IL1RN: variants seen among roughly 807,000 people sequenced by gnomAD.
The protein encoded by IL1RN is interleukin-1 receptor antagonist protein.
Under a neutral mutation model 13.7 loss-of-function variants are expected in IL1RN, and 10 were observed. The observed-to-expected ratio is 0.73, with a 90% CI of 0.45 to 1.24. The LOEUF (loss-of-function observed/expected upper bound fraction) is 1.24, where lower values mean the gene tolerates loss of function less well. Ranked by LOEUF, IL1RN falls within the 50% of genes most tolerant of loss-of-function variation. The pLI, the probability that IL1RN is intolerant of heterozygous loss-of-function variation, is 0.00. For missense variants in IL1RN, 213 were observed against 222.1 expected (o/e 0.96, Z 0.26); for synonymous variants, 102 against 82.7 (o/e 1.23, Z -1.27).
chr2:113,126,372 T>C (rs1405341122), upstream of IL1RN, among the ~76,000 whole-genome samples: 1 of 152,196 alleles, frequency 6.6e-6, no homozygotes, highest in East Asian at 1.9e-4. Context: ...CTTGGACAGA[T>C]CCCTTTTTTG....
At chr2:113,119,207 C>T (rs1473364271) in intron 1 of IL1RN, among the ~76,000 whole-genome samples, 1 of 152,176 alleles carries the variant, frequency 6.6e-6, no homozygotes, top group Non-Finnish European at 1.5e-5. Context: ...GAAGTGTCAG[C>T]TCTTAATGGG....
chr2:113,110,540 C>T (rs1206813657), upstream of IL1RN, among the ~76,000 whole-genome samples: 1 of 152,168 alleles, frequency 6.6e-6, no homozygotes, highest in African/African-American at 2.4e-5. Context: ...CTGTAGCTCC[C>T]AGTGCCCCCT....
the IL1RN span, among the ~76,000 whole-genome samples, chr2:113,100,941 G>A: frequency 1.3e-5 from 2 of 152,158 alleles, 1 homozygote; most frequent in Admixed American, 1.3e-4. Flanking sequence ...ACAAGCAGAT[G>A]TTAATTAACA....
chr2:113,111,465 T>C (rs1192935114), intron 1 of IL1RN, among the ~76,000 whole-genome samples: 7 of 152,226 alleles, frequency 4.6e-5, no homozygotes, highest in Non-Finnish European at 8.8e-5. Context: ...TGGAATTTCA[T>C]TGAGATAGTT....
upstream of IL1RN, among the ~76,000 whole-genome samples, chr2:113,125,838 G>A (rs554219747): frequency 2.3e-4 from 35 of 152,272 alleles, no homozygotes; most frequent in Admixed American, 2.2e-3. Flanking sequence ...TTACTCTGTT[G>A]CCTAGGCTGG....
Position 113,129,552 on chromosome 2 carries a change from C to T in IL1RN, c.117-24C>T, listed in dbSNP as rs376432593. ...CTGGGCACATGGTGGCTGTGCACTA[C>T]AGCTGAGTCCTTTTCCTTTTCAGAA... On this transcript the variant is annotated intron_variant, in intron 1 of 3. Transcript: ENST00000409930. 1.0e-4 allele frequency: 152 copies of T among 1,497,566 alleles called. 1 individual carries two copies. The highest frequency in any genetic ancestry group is 1.4e-4 in the African/African-American group (10 of 72,806). The allele number at this position is 1,497,566 out of a possible 1,614,324, so 92.8% of individuals were successfully genotyped here. A position where few individuals can be genotyped will look rare whatever the true frequency, so the allele number is the denominator to read the frequency against.
upstream of IL1RN, among the ~76,000 whole-genome samples, chr2:113,106,234 T>C (rs1222845637): frequency 6.6e-6 from 1 of 152,192 alleles, no homozygotes; most frequent in Non-Finnish European, 1.5e-5. Flanking sequence ...AAAGGGTCTT[T>C]CTTAGAGGCT....
At chr2:113,110,417 T>C (rs1305013649), upstream of IL1RN, among the ~76,000 whole-genome samples, 1 of 152,210 alleles carries the variant, frequency 6.6e-6, no homozygotes, top group Non-Finnish European at 1.5e-5. Context: ...CACATCAGGT[T>C]CTTGGATCAT....
intron 3 of IL1RN, among the ~76,000 whole-genome samples, chr2:113,131,626 T>C (rs745489210): frequency 1.4e-4 from 21 of 152,082 alleles, no homozygotes; most frequent in Non-Finnish European, 2.6e-4. Context: ...CCACAGGACC[T>C]GAATCTCTGT....
chr2:113,106,806 A>G (rs1228310385), upstream of IL1RN, among the ~76,000 whole-genome samples: 2 of 152,144 alleles, frequency 1.3e-5, no homozygotes, highest in East Asian at 1.9e-4. Flanking sequence ...AGAATTTAAT[A>G]TAACTATGTT....
In IL1RN at chr2:113,133,520, A is replaced by C. The variant is rs1687248458; in HGVS notation, c.*649A>C. 2 of 157,052 alleles carry C rather than the reference A, an allele frequency of 1.3e-5. No homozygotes were observed. The highest frequency in any genetic ancestry group is 6.2e-5 in the Admixed American group (1 of 16,240). 9.7% of individuals were successfully genotyped at this position (157,052 alleles called of 1,614,324 possible). A position where few individuals can be genotyped will look rare whatever the true frequency, so the allele number is the denominator to read the frequency against. On this transcript the variant is annotated 3_prime_UTR_variant, in exon 4 of 4. Transcript: ENST00000409930. Reference sequence around the variant, plus strand: ...TTTTGTGATGTCCCAACTTGTAAAAATTAAAAGTTATGGTACTATGTTAGC... The same window carrying C: ...TTTTGTGATGTCCCAACTTGTAAAACTTAAAAGTTATGGTACTATGTTAGC...
rs1399931845 is a variant in IL1RN at position 113,131,284 on chromosome 2, TG to T, written c.318+128del. On this transcript the variant is annotated intron_variant, in intron 3 of 3. Coordinates refer to ENST00000409930, the MANE Select transcript of IL1RN (RefSeq NM_173842.3). ...TAGTTCTGTTCCATGTGGTGGAACATGCTGGGGTCACTTTGGAAGCTGCATT... is the reference window on the plus strand; with the variant it reads ...TAGTTCTGTTCCATGTGGTGGAACATCTGGGGTCACTTTGGAAGCTGCATT... 7 of 713,782 alleles carry T rather than the reference TG, an allele frequency of 9.8e-6. No homozygotes were observed. In the African/African-American group the frequency reaches 1.2e-4, roughly 12 times the overall value. The allele number at this position is 713,782 out of a possible 1,614,324, so 44.2% of individuals were successfully genotyped here.
intron 2 of IL1RN, chr2:113,120,135 T>C (rs762464046): frequency 6.2e-7 from 1 of 1,608,640 alleles, no homozygotes; most frequent in East Asian, 2.2e-5. Context: ...AAGGGTAAAT[T>C]ATTTTTAGGA....
At chr2:113,128,150 C>T (rs1362928324) in intron 1 of IL1RN, among the ~76,000 whole-genome samples, 1 of 152,244 alleles carries the variant, frequency 6.6e-6, no homozygotes, top group Non-Finnish European at 1.5e-5. Context: ...CTCCAGGGAC[C>T]TTGGTTTCCC....
chr2:113,108,716 T>G (rs995401585), upstream of IL1RN, among the ~76,000 whole-genome samples: 2 of 152,088 alleles, frequency 1.3e-5, no homozygotes, highest in African/African-American at 4.8e-5. Flanking sequence ...ACAGGGGACC[T>G]TGGATGTCAG....
chr2:113,124,609 A>G (rs528335752), upstream of IL1RN, among the ~76,000 whole-genome samples: 6 of 152,324 alleles, frequency 3.9e-5, no homozygotes, highest in East Asian at 1.2e-3. Context: ...TGCAAAAGCC[A>G]CGGTGTGAGT....
At chr2:113,111,960 T>C (rs1686506492) in intron 1 of IL1RN, among the ~76,000 whole-genome samples, 3 of 152,242 alleles carry the variant, frequency 2.0e-5, no homozygotes, top group Non-Finnish European at 4.4e-5. Context: ...AACTCAGCCA[T>C]CTGAGACAGT....
At chr2:113,121,444 G>T (rs1686780754) in intron 2 of IL1RN, 4 of 985,138 alleles carry the variant, frequency 4.1e-6, no homozygotes, top group Non-Finnish European at 4.8e-6. Context: ...CCTCCTGTCT[G>T]CAGGGGGATT....
At chr2:113,124,040 T>C (rs1044191221), upstream of IL1RN, among the ~76,000 whole-genome samples, 10 of 152,204 alleles carry the variant, frequency 6.6e-5, no homozygotes, top group African/African-American at 1.7e-4. Flanking sequence ...CTGGTTTCCC[T>C]ATCTCTCTGC....
Sources: gnomAD v4.1 joint callset for allele counts (sites outside exome capture counted in the v4.1 genomes callset) on GRCh38, gnomAD v4.1.1 for gene constraint, MANE v1.5 for transcripts, NCBI Gene and HGNC (gene_info 2026-07-23, HGNC 2026-07-21) for gene names.